PACS1: variants seen among roughly 807,000 people sequenced by gnomAD.
The protein encoded by PACS1 is phosphofurin acidic cluster sorting protein 1.
Under a neutral mutation model 115.0 loss-of-function variants are expected in PACS1, and 24 were observed. The observed-to-expected ratio is 0.21, with a 90% CI of 0.15 to 0.29. The LOEUF is 0.29. Ranked by LOEUF, PACS1 falls within the 10% of genes least tolerant of loss-of-function variation. PACS1 has a pLI of 1.00. For synonymous variants in PACS1, 453 were observed against 504.5 expected, an observed-to-expected ratio of 0.90 and a Z score of 1.37; for missense variants, 838 against 1,251.2, an observed-to-expected ratio of 0.67 and a Z score of 4.98.
At chr11:66,179,816 A>G (rs1554985694) in intron 1 of PACS1, among the ~76,000 whole-genome samples, 1 of 152,134 alleles carries the variant, frequency 6.6e-6, no homozygotes, top group Non-Finnish European at 1.5e-5. Flanking sequence ...AATTCTGTTC[A>G]GCCTGTTCCT....
chr11:66,098,106 G>A (rs1346716454), intron 1 of PACS1, among the ~76,000 whole-genome samples: 1 of 152,224 alleles, frequency 6.6e-6, no homozygotes, highest in Admixed American at 6.5e-5. Flanking sequence ...GAGCTCGGGA[G>A]ATGGAAGTTT....
At chr11:66,190,896 AC>A (rs1854504939) in intron 1 of PACS1, among the ~76,000 whole-genome samples, 1 of 152,104 alleles carries the variant, frequency 6.6e-6, no homozygotes, top group African/African-American at 2.4e-5. Flanking sequence ...AGTTGAGGGC[AC>A]CCAGGTCACA....
At chr11:66,170,774 GAAAAAA>G (rs35955463) in intron 1 of PACS1, among the ~76,000 whole-genome samples, 1 of 113,672 alleles carries the variant, frequency 8.8e-6, no homozygotes. Flanking sequence ...CTCATCTCTG[GAAAAAA>G]AAAAAAAAAA....
intron 4 of PACS1, among the ~76,000 whole-genome samples, chr11:66,213,114 A>C (rs1255056026): frequency 6.6e-6 from 1 of 152,164 alleles, no homozygotes; most frequent in African/African-American, 2.4e-5. Flanking sequence ...GGCCTCCCAG[A>C]GTGCTGGGAT....
chr11:66,195,229 A>G (rs893700496), intron 2 of PACS1, among the ~76,000 whole-genome samples: 2 of 152,186 alleles, frequency 1.3e-5, no homozygotes, highest in African/African-American at 2.4e-5. Flanking sequence ...AACAACAACA[A>G]AAACTTAAAA....
At chr11:66,140,239 G>A (rs1169202875) in intron 1 of PACS1, among the ~76,000 whole-genome samples, 1 of 152,188 alleles carries the variant, frequency 6.6e-6, no homozygotes, top group African/African-American at 2.4e-5. Context: ...CTTTTAGAGG[G>A]TGCTGAAGCT....
At chr11:66,079,587 A>G (rs535135862) in intron 1 of PACS1, among the ~76,000 whole-genome samples, 3 of 152,256 alleles carry the variant, frequency 2.0e-5, no homozygotes, top group Admixed American at 2.0e-4. Flanking sequence ...CACTAGTGGC[A>G]GTTCAGAGTG....
rs369134051 is a variant in PACS1 at position 66,216,181 on chromosome 11, C to T, written c.723C>T (p.Val241=). 6 of 1,613,960 alleles carry T rather than the reference C, an allele frequency of 3.7e-6. No individual in the cohort carries two copies. The highest frequency in any genetic ancestry group is 3.3e-5 in the Admixed American group (2 of 59,996). Residue 241 remains valine (V), a synonymous_variant, in exon 5 of 24, where the codon GTC becomes GTT. Coordinates refer to ENST00000320580, the MANE Select transcript of PACS1 (RefSeq NM_018026.4). The part of the protein sequence containing the change: ...VLGLHSNVKD[V]SVPVAEIKIY... ...GCCTACACAGCAACGTGAAGGATGT[C>T]TCTGTGCCTGTGGCAGAAATAAAGA... is the stretch of plus-strand genomic sequence containing the variant.
chr11:66,210,392 A>G lies in PACS1; in HGVS notation c.475A>G (p.Ile159Val). The G allele has an allele frequency of 6.2e-7, 1 of 1,614,050 alleles. No individual in the cohort carries two copies. The highest frequency in any genetic ancestry group is 8.5e-7 in the Non-Finnish European group (1 of 1,179,936). ...AAAAAGAATTCTTCGCTCCAACGAGATCGTCCTTCCAGCTAGTGGACTGGT... is the reference window on the plus strand; with the variant it reads ...AAAAAGAATTCTTCGCTCCAACGAGGTCGTCCTTCCAGCTAGTGGACTGGT... ...GSKRILRSNE[I>V]VLPASGLVET... Residue 159 changes from isoleucine to valine, a missense_variant, in exon 3 of 24, where the codon ATC becomes GTC. Around this residue, in one of 6 missense-constraint regions of PACS1, gnomAD observed 223 missense variants for 354.0 expected, o/e 0.63. Transcript: ENST00000320580.
chr11:66,143,390 A>G lies in PACS1; in HGVS notation c.357-50096A>G, dbSNP rs60095752. 5.9e-3 allele frequency among the ~76,000 whole-genome samples: 894 copies of G among 152,314 alleles called. 6 individuals carry two copies. The highest frequency in any genetic ancestry group is 0.028 in the East Asian group (143 of 5,178). ...CCCTGTCTGGGAAGGGTTCTGGAAC[A>G]GGTCTGAAGCCCTCAGAGCAAAGGC... is the stretch of plus-strand genomic sequence containing the variant. On this transcript the variant is annotated intron_variant, in intron 1 of 23. Coordinates refer to ENST00000320580, the MANE Select transcript of PACS1 (RefSeq NM_018026.4).
In PACS1 at chr11:66,241,444, A is replaced by T; in HGVS notation, c.2447A>T (p.Tyr816Phe). ...TTCCTCAGGAGCCCTAATAGCCCAT[A>T]TGGGGACGTGATTGGCCTCCAGGTG... ...LAIVGSPNSP[Y>F]GDVIGLQVDY... is the part of the protein sequence containing the mutation. The change falls in exon 22 of 24, where the codon TAT becomes TTT. Residue 816 changes from tyrosine to phenylalanine, a missense_variant. Coordinates refer to ENST00000320580, the MANE Select transcript of PACS1 (RefSeq NM_018026.4). 6.2e-7 allele frequency: 1 copy of T among 1,600,626 alleles called. No individual in the cohort carries two copies. The highest frequency in any genetic ancestry group is 8.5e-7 in the Non-Finnish European group (1 of 1,173,294).
At chr11:66,117,585 G>A (rs995889077) in intron 1 of PACS1, among the ~76,000 whole-genome samples, 1 of 151,842 alleles carries the variant, frequency 6.6e-6, no homozygotes, top group African/African-American at 2.4e-5. Context: ...GGTGGCCCAT[G>A]CCTGTAATCC....
At chr11:66,172,177 A>G (rs949300444) in intron 1 of PACS1, among the ~76,000 whole-genome samples, 1 of 152,010 alleles carries the variant, frequency 6.6e-6, no homozygotes, top group Admixed American at 6.6e-5. Flanking sequence ...TTATTTTTCT[A>G]TCCTTGATCT....
At chr11:66,179,514 G>A (rs1402114686) in intron 1 of PACS1, among the ~76,000 whole-genome samples, 2 of 152,124 alleles carry the variant, frequency 1.3e-5, no homozygotes, top group Non-Finnish European at 2.9e-5. Flanking sequence ...CTATTAACTG[G>A]CACTTTTGCA....
chr11:66,086,972 A>G (rs1197706947), intron 1 of PACS1, among the ~76,000 whole-genome samples: 1 of 152,100 alleles, frequency 6.6e-6, no homozygotes, highest in East Asian at 1.9e-4. Flanking sequence ...TAAACAAAAA[A>G]CCTTTTGTTT....
At chr11:66,230,151 AAAG>A (rs1239885755) in intron 11 of PACS1, among the ~76,000 whole-genome samples, 122 of 150,928 alleles carry the variant, frequency 8.1e-4, no homozygotes, top group African/African-American at 2.8e-3. Flanking sequence ...AAAAAAAAAA[AAAG>A]AAAAAAAAAA....
chr11:66,091,804 GAAT>G (rs960936744), intron 1 of PACS1, among the ~76,000 whole-genome samples: 1 of 151,872 alleles, frequency 6.6e-6, no homozygotes, highest in African/African-American at 2.4e-5. Context: ...AGTTTACTGA[GAAT>G]GATGATTTCC....
At chr11:66,161,929 T>A (rs1051358884) in intron 1 of PACS1, among the ~76,000 whole-genome samples, 1 of 152,102 alleles carries the variant, frequency 6.6e-6, no homozygotes, top group Non-Finnish European at 1.5e-5. Flanking sequence ...ACACACATTA[T>A]TTTAGGAGCC....
chr11:66,212,144 T>C (rs1394774880), intron 4 of PACS1, among the ~76,000 whole-genome samples: 2 of 151,912 alleles, frequency 1.3e-5, no homozygotes, highest in Non-Finnish European at 2.9e-5. Context: ...TTTACTTTTT[T>C]TTTTTTGAGA....
Sources: gnomAD v4.1 joint callset for allele counts (sites outside exome capture counted in the v4.1 genomes callset) on GRCh38, gnomAD v4.1.1 for gene constraint, gnomAD v4.1.1 regional missense constraint, MANE v1.5 for transcripts, NCBI Gene and HGNC (gene_info 2026-07-23, HGNC 2026-07-21) for gene names.